The following NAT10 variants were observed in gnomAD, a reference collection of about 807,000 sequenced individuals.
The protein encoded by NAT10 is N-acetyltransferase 10, also known as RNA cytidine acetyltransferase.
Under a neutral mutation model 132.2 loss-of-function variants are expected in NAT10, and 109 were observed. That is an observed-to-expected ratio of 0.82 (90% CI 0.71 to 0.97). The LOEUF (loss-of-function observed/expected upper bound fraction) is 0.97, where lower values mean the gene tolerates loss of function less well. NAT10 is among the 50% of genes least tolerant of loss of function. The pLI is 0.00. For synonymous variants in NAT10, 479 were observed against 478.0 expected (o/e 1.00, Z -0.03); for missense variants, 1,184 against 1,263.4 (o/e 0.94, Z 0.95).
In NAT10 at chr11:34,124,952, G is replaced by T. The variant is rs1590769653; in HGVS notation, c.1107+552G>T. Among the ~76,000 whole-genome samples the T allele has an allele frequency of 3.9e-5, 6 of 152,340 alleles. No individual in the cohort carries two copies. The South Asian group carries it at 1.2e-3, about 32-fold the overall frequency. ...GCTAAATCTCTAAGAGAGGCATGAG[G>T]TGATGGGCTTACAGACGGACTGAGA... On this transcript the variant is annotated intron_variant, in intron 11 of 28. Coordinates refer to ENST00000257829, the MANE Select transcript of NAT10 (RefSeq NM_024662.3).
At chr11:34,121,834 T>TGGTGACA in intron 8 of NAT10, among the ~76,000 whole-genome samples, 1 of 112,744 alleles carries the variant, frequency 8.9e-6, no homozygotes, top group East Asian at 2.8e-4. Context: ...CACTCCAGCC[T>TGGTGACA]GGTGACAGAG....
chr11:34,107,621 A>G (rs1363314913), intron 1 of NAT10, among the ~76,000 whole-genome samples: 1 of 152,186 alleles, frequency 6.6e-6, no homozygotes, highest in Non-Finnish European at 1.5e-5. Flanking sequence ...ATCTATATCC[A>G]TATCCTTAGT....
intron 6 of NAT10, 53 bp from the exon 7 acceptor site, chr11:34,118,127 A>G: frequency 2.1e-6 from 3 of 1,404,818 alleles, no homozygotes; most frequent in East Asian, 2.3e-5. Context: ...TATACTCTGT[A>G]TAGACATTGC....
intron 23 of NAT10, 93 bp from the exon 24 acceptor site, chr11:34,140,307 C>G: frequency 8.3e-7 from 1 of 1,210,540 alleles, no homozygotes; most frequent in Non-Finnish European, 1.2e-6. Flanking sequence ...CTGTTAGATG[C>G]TCCTGTGTGT....
chr11:34,108,125 C>A, intron 1 of NAT10, 86 bp from the exon 2 acceptor site: 1 of 836,840 alleles, frequency 1.2e-6, no homozygotes, highest in South Asian at 1.5e-5. Flanking sequence ...ATGCCTAGCA[C>A]AGTCCCAGGC....
chr11:34,136,005 C>T (rs1590778597), intron 19 of NAT10, among the ~76,000 whole-genome samples: 1 of 152,002 alleles, frequency 6.6e-6, no homozygotes, highest in South Asian at 2.1e-4. Flanking sequence ...TTGTCACTTC[C>T]TAAGGCTGTC....
chr11:34,136,855 G>A, intron 20 of NAT10, 80 bp downstream of exon 20: 1 of 1,611,298 alleles, frequency 6.2e-7, no homozygotes. Context: ...GTCTCTGTTG[G>A]TAGCTGGTAT....
In NAT10 at chr11:34,109,180, G is replaced by T. The variant is rs1487496878; in HGVS notation, c.200+347G>T. Among the ~76,000 whole-genome samples the T allele has an allele frequency of 2.6e-5, 4 of 151,780 alleles. No homozygotes were observed. In the East Asian group the frequency reaches 5.8e-4, roughly 22 times the overall value. The stretch of plus-strand genomic sequence containing the variant: ...CTTTTTCTCCCCTTCTTTCATGGAG[G>T]GGGTATATGCCTCATCCCATGTCCA... On this transcript the variant is annotated intron_variant, in intron 3 of 28. Transcript: ENST00000257829.
At chr11:34,129,242 G>C (rs564262849) in intron 12 of NAT10, among the ~76,000 whole-genome samples, 29 of 152,246 alleles carry the variant, frequency 1.9e-4, no homozygotes, top group African/African-American at 6.7e-4. Flanking sequence ...CACATTCTAC[G>C]TTCCCACCAG....
At chr11:34,122,840 A>G (rs1357226298) in intron 9 of NAT10, among the ~76,000 whole-genome samples, 1 of 152,234 alleles carries the variant, frequency 6.6e-6, no homozygotes. Context: ...TGTAATCACT[A>G]TTTACAGTTG....
intron 9 of NAT10, among the ~76,000 whole-genome samples, chr11:34,123,536 G>A (rs1035123575): frequency 3.9e-5 from 6 of 152,200 alleles, no homozygotes; most frequent in African/African-American, 1.2e-4. Context: ...CACCGAGGGC[G>A]TTGTCTCCAC....
intron 14 of NAT10, 33 bp downstream of exon 14, chr11:34,131,564 A>G (rs1387040424): frequency 4.4e-6 from 7 of 1,586,376 alleles, no homozygotes; most frequent in Admixed American, 3.5e-5. Flanking sequence ...GGCCCTGTGA[A>G]AAGGAGAGGG....
intron 21 of NAT10, among the ~76,000 whole-genome samples, chr11:34,137,740 C>G (rs183609897): frequency 6.6e-6 from 1 of 152,132 alleles, no homozygotes; most frequent in African/African-American, 2.4e-5. Flanking sequence ...TGGACCCTAA[C>G]GTTTAGAGGA....
At chr11:34,119,967 T>G (rs1246544331) in intron 8 of NAT10, among the ~76,000 whole-genome samples, 5 of 152,186 alleles carry the variant, frequency 3.3e-5, no homozygotes, top group Non-Finnish European at 7.3e-5. Flanking sequence ...GAAATGCCTT[T>G]TTCTCTACAC....
Position 34,141,209 on chromosome 11 carries a change from G to A in NAT10, c.2712+1G>A. 6.2e-7 allele frequency: 1 copy of A among 1,613,914 alleles called. No homozygotes were observed. On this transcript the variant is annotated splice_donor_variant, in intron 25 of 28. Coordinates refer to ENST00000257829, the MANE Select transcript of NAT10 (RefSeq NM_024662.3). LOFTEE classifies it high-confidence loss of function. ...CCGGATCATCCGCAAAGTTGTGAAG[G>A]TAACCTCAGCCTGAGGGCAGGGGCT...
chr11:34,106,774 C>T lies in NAT10; in HGVS notation c.-16+982C>T, dbSNP rs562225162. Among the ~76,000 whole-genome samples, 21 of 152,198 alleles carry T rather than the reference C, an allele frequency of 1.4e-4. No homozygotes were observed. In the South Asian group the frequency reaches 3.1e-3, roughly 23 times the overall value. ...TTCTCCTTTACGTATAAATTGGGGT[C>T]CTTGACAGTGACTTAGTGTTTTATA... On this transcript the variant is annotated intron_variant, in intron 1 of 28. Coordinates refer to ENST00000257829, the MANE Select transcript of NAT10 (RefSeq NM_024662.3).
intron 28 of NAT10, 60 bp from the exon 29 acceptor site, chr11:34,146,024 C>A: frequency 8.3e-7 from 1 of 1,198,010 alleles, no homozygotes. Context: ...AAGCTTAAAG[C>A]AGTCTCAGAT....
chr11:34,136,850 T>C, intron 20 of NAT10, 75 bp downstream of exon 20: 1 of 1,611,990 alleles, frequency 6.2e-7, no homozygotes. Flanking sequence ...TGTGTGTCTC[T>C]GTTGGTAGCT....
rs1348879373 is a variant in NAT10, at chr11:34,108,304, G to A, written c.79G>A (p.Val27Ile). The change falls in exon 2 of 29, where the codon GTT (valine) becomes ATT (isoleucine). Residue 27 changes from valine (V) to isoleucine (I), a missense_variant. Coordinates refer to ENST00000257829, the MANE Select transcript of NAT10 (RefSeq NM_024662.3). The part of the protein sequence containing the change: ...GVAERQRSLF[V>I]VVGDRGKDQV... ...AGCTGAGCGGCAAAGATCTCTCTTT[G>A]TTGTAGTTGGGGATCGAGGAAAAGA... The A allele has an allele frequency of 6.2e-7, 1 of 1,614,172 alleles. No homozygotes were observed. Among genetic ancestry groups the A allele is most frequent in the East Asian group, 2.2e-5 (1 of 44,882 alleles).
Sources: allele counts gnomAD v4.1 joint callset (sites outside exome capture counted in the v4.1 genomes callset), GRCh38; gene constraint gnomAD v4.1.1; transcripts MANE v1.5; gene names NCBI Gene and HGNC (gene_info 2026-07-23, HGNC 2026-07-21).